Variants in GAD1 observed in about 807,000 individuals in gnomAD.
The protein encoded by GAD1 is glutamate decarboxylase 1.
GAD1 carries 35 observed loss-of-function variants against 75.2 expected under a neutral mutation model. That is an observed-to-expected ratio of 0.47 (90% confidence interval 0.36 to 0.62). GAD1 has a LOEUF of 0.62. Ranked by LOEUF, GAD1 falls within the 20% of genes least tolerant of loss-of-function variation. The pLI, the probability that GAD1 is intolerant of heterozygous loss-of-function variation, is 0.00. For synonymous variants in GAD1, 257 were observed against 271.9 expected (o/e 0.95, Z 0.54); for missense variants, 490 against 758.5 (o/e 0.65, Z 4.16).
At chr2:170,857,733 A>C (rs1702881430) in intron 15 of GAD1, among the ~76,000 whole-genome samples, 1 of 152,382 alleles carries the variant, frequency 6.6e-6, no homozygotes, top group East Asian at 1.9e-4. Context: ...TAAGGAAGAG[A>C]GCAAGATAAA....
At chr2:170,820,184 G>T (rs1024819519) in intron 2 of GAD1, among the ~76,000 whole-genome samples, 1 of 152,116 alleles carries the variant, frequency 6.6e-6, no homozygotes, top group Non-Finnish European at 1.5e-5. Flanking sequence ...GGGGGTGGGG[G>T]GTTAGCGGGC....
In GAD1 at chr2:170,859,929, G is replaced by T; in HGVS notation, c.*47G>T. 1 of 1,573,484 alleles carries T rather than the reference G, an allele frequency of 6.4e-7. No homozygotes were observed. The highest frequency in any genetic ancestry group is 8.7e-7 in the Non-Finnish European group (1 of 1,147,508). On this transcript the variant is annotated 3_prime_UTR_variant, in exon 17 of 17. Transcript: ENST00000358196. ...TTTATGGGAATGCCTTTTCCCTCTG[G>T]CACTCCAGAACAAACCTCTATATGT...
rs140924398 is a variant in GAD1 at position 170,832,369 on chromosome 2, C to G, written c.547+1177C>G. Among the ~76,000 whole-genome samples the G allele has an allele frequency of 2.6e-5, 4 of 152,148 alleles. No individual in the cohort carries two copies. The East Asian group carries it at 7.7e-4, about 29-fold the overall frequency. On this transcript the variant is annotated intron_variant, in intron 5 of 16. Coordinates refer to ENST00000358196, the MANE Select transcript of GAD1 (RefSeq NM_000817.3). The stretch of plus-strand genomic sequence containing the variant: ...TGTAGATGCATCGCTCCAACCTCTG[C>G]CTTCACTTCACATGGCCTTCATCCT...
Position 170,858,824 on chromosome 2 carries a change from T to C in GAD1, c.1542T>C (p.Cys514=). Residue 514 remains cysteine, a synonymous_variant, in exon 16 of 17, where the codon TGT becomes TGC. Coordinates refer to ENST00000358196, the MANE Select transcript of GAD1 (RefSeq NM_000817.3). Reference sequence around the variant, plus strand: ...TGCAGCCTGAGCACACAAACGTCTGTTTTTGGTATATTCCACAAAGCCTCA... The same window carrying C: ...TGCAGCCTGAGCACACAAACGTCTGCTTTTGGTATATTCCACAAAGCCTCA... ...FNGEPEHTNV[C]FWYIPQSLRG... 6.2e-7 allele frequency: 1 copy of C among 1,613,970 alleles called. No individual in the cohort carries two copies. Among genetic ancestry groups the C allele is most frequent in the Non-Finnish European group, 8.5e-7 (1 of 1,179,816 alleles).
chr2:170,830,469 T>C (rs1423058852), intron 4 of GAD1, among the ~76,000 whole-genome samples: 2 of 152,240 alleles, frequency 1.3e-5, no homozygotes, highest in African/African-American at 2.4e-5. Flanking sequence ...CAGCTCCAGT[T>C]TCCTGTCGAA....
At chr2:170,852,690 C>T (rs751638784) in intron 12 of GAD1, 24 bp from the exon 13 acceptor site, 34 of 1,608,414 alleles carry the variant, frequency 2.1e-5, no homozygotes, top group African/African-American at 4.0e-5. Flanking sequence ...TGCACCTTCT[C>T]GAAGTCTCAT....
At chr2:170,852,874 G>A in intron 13 of GAD1, 82 bp downstream of exon 13, 2 of 1,211,026 alleles carry the variant, frequency 1.7e-6, no homozygotes, top group Non-Finnish European at 2.4e-6. Flanking sequence ...TCTCTTTGCA[G>A]TACTTGTTGG....
chr2:170,828,365 TTCCCTCTGCTGTCCTCACCCTCC>T (rs1281853400), intron 3 of GAD1, among the ~76,000 whole-genome samples: 20 of 73,856 alleles, frequency 2.7e-4, no homozygotes, highest in Middle Eastern at 0.014. Flanking sequence ...CCTCATCCCC[TTCCCTCTGCTGTCCTCACCCTCC>T]TCCCTCTGCT....
chr2:170,834,951 T>G (rs1702335492), intron 5 of GAD1, among the ~76,000 whole-genome samples: 1 of 151,976 alleles, frequency 6.6e-6, no homozygotes, highest in African/African-American at 2.4e-5. Context: ...TGTATTTTTT[T>G]AGTAGAGATG....
At chr2:170,836,364 A>G (rs1575436054) in intron 5 of GAD1, among the ~76,000 whole-genome samples, 2 of 152,338 alleles carry the variant, frequency 1.3e-5, no homozygotes, top group East Asian at 3.9e-4. Flanking sequence ...ACAGGGATTT[A>G]GAGTTACGTA....
At position 170,840,081 on chromosome 2, in the gene GAD1, G is replaced by A. The variant is rs118185936; in HGVS notation, c.638+3198G>A. ...GAATTCTGCTTAAACACACTAACTC[G>A]GAGATCTTAAAACAAACCACTGAAT... On this transcript the variant is annotated intron_variant, in intron 6 of 16. Coordinates refer to ENST00000358196, the MANE Select transcript of GAD1 (RefSeq NM_000817.3). Among the ~76,000 whole-genome samples the A allele has an allele frequency of 8.5e-4, 130 of 152,210 alleles. 1 individual carries two copies. The East Asian group carries it at 0.022, about 26-fold the overall frequency.
intron 5 of GAD1, 131 bp from the exon 6 acceptor site, chr2:170,836,662 T>C: frequency 1.4e-6 from 1 of 723,802 alleles, no homozygotes; most frequent in Non-Finnish European, 2.5e-6. Context: ...TTCAATATCC[T>C]TGAGCAGCCT....
chr2:170,843,909 A>G, intron 6 of GAD1, 136 bp from the exon 7 acceptor site: 1 of 665,344 alleles, frequency 1.5e-6, no homozygotes, highest in East Asian at 2.8e-5. Context: ...ATTTCCAGGA[A>G]ATGAATCATG....
At chr2:170,822,497 G>C (rs574796779) in intron 3 of GAD1, among the ~76,000 whole-genome samples, 2 of 152,230 alleles carry the variant, frequency 1.3e-5, no homozygotes, top group African/African-American at 4.8e-5. Context: ...ACCCGGTGCC[G>C]TGCACTCTGC....
intron 6 of GAD1, among the ~76,000 whole-genome samples, chr2:170,842,142 C>T (rs774789702): frequency 6.6e-6 from 1 of 152,172 alleles, no homozygotes; most frequent in Non-Finnish European, 1.5e-5. Flanking sequence ...GAGGCTAATT[C>T]ATGCAAACCT....
At chr2:170,859,546 G>C (rs1307909041) in intron 16 of GAD1, among the ~76,000 whole-genome samples, 163 bp from the exon 17 acceptor site, 1 of 152,190 alleles carries the variant, frequency 6.6e-6, no homozygotes. Context: ...TTGTGACCAG[G>C]TAGTCATTTG....
intron 7 of GAD1, among the ~76,000 whole-genome samples, 176 bp downstream of exon 7, chr2:170,844,333 G>A (rs1308061934): frequency 6.6e-6 from 1 of 151,694 alleles, no homozygotes; most frequent in Non-Finnish European, 1.5e-5. Flanking sequence ...ACTAACAAAG[G>A]CTATGCTTAA....
rs1701771473 is a variant in GAD1 at position 170,818,450 on chromosome 2, C to T, written c.-63-79C>T. 5 of 782,434 alleles carry T rather than the reference C, an allele frequency of 6.4e-6. No homozygotes were observed. The highest frequency in any genetic ancestry group is 1.4e-5 in the South Asian group (1 of 70,914). 48.5% of individuals were successfully genotyped at this position (782,434 alleles called of 1,614,324 possible). Reference sequence around the variant, plus strand: ...GAGCCGGATCTTCAAGGGGAGCCTCCGTGCCCCCGGCTGCTCAGTCCCTCC... The same window carrying T: ...GAGCCGGATCTTCAAGGGGAGCCTCTGTGCCCCCGGCTGCTCAGTCCCTCC... On this transcript the variant is annotated intron_variant, in intron 1 of 16. Coordinates refer to ENST00000358196, the MANE Select transcript of GAD1 (RefSeq NM_000817.3). This position sits in a 1 kb window ranked among gnomAD's most constrained non-coding sequence, Gnocchi z 5.9.
intron 5 of GAD1, 114 bp from the exon 6 acceptor site, chr2:170,836,679 A>G: frequency 1.3e-6 from 1 of 765,166 alleles, no homozygotes; most frequent in Middle Eastern, 2.5e-4. Flanking sequence ...GCCTTATTCG[A>G]CATATCACTG....
Sources: gnomAD v4.1 joint callset for allele counts (sites outside exome capture counted in the v4.1 genomes callset) on GRCh38, gnomAD v4.1.1 for gene constraint, Gnocchi (gnomAD v3.1) non-coding constraint, MANE v1.5 for transcripts, NCBI Gene and HGNC (gene_info 2026-07-23, HGNC 2026-07-21) for gene names.